PTPRD: variants seen among roughly 807,000 people sequenced by gnomAD.
PTPRD encodes the protein protein tyrosine phosphatase receptor type D.
PTPRD carries 34 observed loss-of-function variants against 214.5 expected under a neutral mutation model. The observed-to-expected ratio is 0.16, with a 90% CI of 0.12 to 0.21. The LOEUF (loss-of-function observed/expected upper bound fraction) is 0.21. Ranked by LOEUF, PTPRD falls within the 10% of genes least tolerant of loss-of-function variation. PTPRD has a pLI of 1.00. For missense variants in PTPRD, 2,545 were observed against 2,398.7 expected (o/e 1.06, Z -1.27); for synonymous variants, 1,128 against 845.7 (o/e 1.33, Z -5.79).
rs539929402 is a variant in PTPRD at position 10,231,430 on chromosome 9, T to C, written c.-545+109533A>G. On this transcript the variant is annotated intron_variant, in intron 3 of 45. Coordinates refer to ENST00000381196, the MANE Select transcript of PTPRD (RefSeq NM_002839.4). ...ACCTAAAAACCAGTCAAGCTAAGTA[T>C]AAAAGGACAAACTATCATCACTCTG... 5.9e-5 allele frequency among the ~76,000 whole-genome samples: 9 copies of C among 151,952 alleles called. No individual in the cohort carries two copies. In the East Asian group the frequency reaches 1.8e-3, roughly 30 times the overall value.
At chr9:8,864,155 A>G (rs1049586030) in intron 11 of PTPRD, among the ~76,000 whole-genome samples, 2 of 152,244 alleles carry the variant, frequency 1.3e-5, no homozygotes, top group Admixed American at 1.3e-4. Flanking sequence ...CTGTTTCTCT[A>G]TCTGTAGGAT....
intron 14 of PTPRD, among the ~76,000 whole-genome samples, chr9:8,569,550 G>C (rs2090484878): frequency 6.6e-6 from 1 of 151,962 alleles, no homozygotes; most frequent in Non-Finnish European, 1.5e-5. Flanking sequence ...TCAACAATTG[G>C]TGTGTCTACA....
At chr9:9,944,302 G>C (rs1022244398) in intron 4 of PTPRD, among the ~76,000 whole-genome samples, 1 of 152,068 alleles carries the variant, frequency 6.6e-6, no homozygotes, top group Non-Finnish European at 1.5e-5. Flanking sequence ...GGAGTAGTAA[G>C]GTATCCAGTG....
intron 5 of PTPRD, among the ~76,000 whole-genome samples, chr9:9,882,913 G>A (rs1043243673): frequency 1.3e-5 from 2 of 152,066 alleles, no homozygotes; most frequent in African/African-American, 4.8e-5. Context: ...CATGAGTTTT[G>A]GTTGTTGAAA....
At position 10,469,543 on chromosome 9, in the gene PTPRD, A is replaced by G. The variant is rs147374605; in HGVS notation, c.-599-128526T>C. Among the ~76,000 whole-genome samples, 282 of 152,262 alleles carry G rather than the reference A, an allele frequency of 1.9e-3. 2 individuals carry two copies. Among genetic ancestry groups the G allele is most frequent in the African/African-American group, 6.5e-3 (270 of 41,568 alleles). ...ACGTGAAAAGCTCACACTAAAGTTCAGAGAACACAGTCGGTGGCAATGTAA... is the reference window on the plus strand; with the variant it reads ...ACGTGAAAAGCTCACACTAAAGTTCGGAGAACACAGTCGGTGGCAATGTAA... On this transcript the variant is annotated intron_variant, in intron 2 of 45. Transcript: ENST00000381196.
At chr9:9,864,803 C>G (rs533131334) in intron 5 of PTPRD, among the ~76,000 whole-genome samples, 1 of 152,266 alleles carries the variant, frequency 6.6e-6, no homozygotes, top group East Asian at 1.9e-4. Context: ...CATGAACCAC[C>G]AGCCCCAACC....
intron 12 of PTPRD, among the ~76,000 whole-genome samples, chr9:8,716,709 T>C (rs900337237): frequency 5.3e-5 from 8 of 150,296 alleles, no homozygotes; most frequent in Non-Finnish European, 1.2e-4. Flanking sequence ...CACTCCCAAA[T>C]AGGAAGAAGA....
At chr9:9,926,022 G>A (rs887847415) in intron 5 of PTPRD, among the ~76,000 whole-genome samples, 2 of 151,906 alleles carry the variant, frequency 1.3e-5, no homozygotes, top group African/African-American at 4.8e-5. Flanking sequence ...GTAGAAATGG[G>A]GTCTTTCTAT....
chr9:10,118,867 AAAAT>A (rs144204787), intron 3 of PTPRD, among the ~76,000 whole-genome samples: 79,157 of 143,484 alleles, frequency 0.55, 22,026 homozygotes, highest in Middle Eastern at 0.69. Flanking sequence ...AAATACACCA[AAAAT>A]AAATAAATAA....
intron 3 of PTPRD, among the ~76,000 whole-genome samples, chr9:10,097,305 T>C (rs961159363): frequency 7.9e-6 from 1 of 126,152 alleles, no homozygotes; most frequent in Non-Finnish European, 1.6e-5. Flanking sequence ...GAGGATGGCA[T>C]TGAATCTATA....
intron 11 of PTPRD, among the ~76,000 whole-genome samples, chr9:8,849,171 ATTTTT>A (rs746565485): frequency 1.5e-3 from 165 of 108,748 alleles, no homozygotes; most frequent in African/African-American, 4.8e-3. Context: ...TCAAAAAAAA[ATTTTT>A]TTTTTTTTTT....
intron 14 of PTPRD, among the ~76,000 whole-genome samples, chr9:8,587,146 T>A (rs1554845231): frequency 1.3e-5 from 2 of 152,128 alleles, no homozygotes; most frequent in Non-Finnish European, 2.9e-5. Flanking sequence ...CGAGACTCCA[T>A]CTAAAAAAAC....
chr9:9,910,364 T>C (rs539628805), intron 5 of PTPRD, among the ~76,000 whole-genome samples: 27 of 152,028 alleles, frequency 1.8e-4, no homozygotes, highest in Non-Finnish European at 2.8e-4. Flanking sequence ...TAAAAATATC[T>C]GTATAGCAAT....
chr9:8,913,609 G>A (rs1055397429), intron 11 of PTPRD, among the ~76,000 whole-genome samples: 2 of 151,968 alleles, frequency 1.3e-5, no homozygotes, highest in African/African-American at 2.4e-5. Context: ...TTGGTATTCT[G>A]ACCTAAATTT....
In PTPRD at chr9:8,748,535, AAAAAAG is replaced by A. The variant is rs1300692516; in HGVS notation, c.-103-14595_-103-14590del. On this transcript the variant is annotated intron_variant, in intron 11 of 45. Coordinates refer to ENST00000381196, the MANE Select transcript of PTPRD (RefSeq NM_002839.4). ...ATCCTGCAACTGCAAAAAAAAAAAA[AAAAAAG>A]AAAAAGAAAAAGAAAAAGAAAATGC... 9.6e-3 allele frequency among the ~76,000 whole-genome samples: 1,161 copies of A among 120,950 alleles called. 4 individuals are homozygous for A. The highest frequency in any genetic ancestry group is 0.012 in the Middle Eastern group (3 of 246). 79.3% of individuals were successfully genotyped at this position (120,950 alleles called of 152,430 possible). A position where few individuals can be genotyped will look rare whatever the true frequency, so the allele number is the denominator to read the frequency against.
At chr9:9,035,927 A>G (rs986726912) in intron 10 of PTPRD, among the ~76,000 whole-genome samples, 1 of 152,112 alleles carries the variant, frequency 6.6e-6, no homozygotes, top group Non-Finnish European at 1.5e-5. Flanking sequence ...TTGAAGACTA[A>G]TGCTAGTAGC....
rs117443439 is a variant in PTPRD, at chr9:10,605,517, C to A, written c.-600+6881G>T. ...TGGAGTGAGAAGATGATGAAGGGTG[C>A]CAAGAAATTCCAGTGGAAAACAGCA... On this transcript the variant is annotated intron_variant, in intron 2 of 45. Transcript: ENST00000381196. Among the ~76,000 whole-genome samples the A allele has an allele frequency of 2.4e-4, 37 of 151,718 alleles. No individual in the cohort carries two copies. The East Asian group carries it at 7.0e-3, about 29-fold the overall frequency.
intron 8 of PTPRD, among the ~76,000 whole-genome samples, chr9:9,497,040 G>A (rs7029052): frequency 1.3e-5 from 2 of 151,952 alleles, no homozygotes; most frequent in Non-Finnish European, 2.9e-5. Context: ...GGTAGTTAAA[G>A]AGTCAACATC....
chr9:8,389,249 G>A lies in PTPRD; in HGVS notation c.4369C>T (p.Leu1457=). The change falls in exon 37 of 46, where the codon CTA becomes TTA. Residue 1457 remains leucine (L), a synonymous_variant. Coordinates refer to ENST00000381196, the MANE Select transcript of PTPRD (RefSeq NM_002839.4). The part of the protein sequence containing the change: ...RSATVVMMTK[L]EERSRVKCDQ... Reference sequence around the variant, plus strand: ...ATTCTTACCCTTGATCTTTCTTCTAGTTTTGTCATCATGACAACTGTGGCA... The same window carrying A: ...ATTCTTACCCTTGATCTTTCTTCTAATTTTGTCATCATGACAACTGTGGCA... 1 of 1,609,642 alleles carries A rather than the reference G, an allele frequency of 6.2e-7. No homozygotes were observed. The highest frequency in any genetic ancestry group is 2.2e-5 in the East Asian group (1 of 44,694).
Sources: gnomAD v4.1 joint callset for allele counts (sites outside exome capture counted in the v4.1 genomes callset) on GRCh38, gnomAD v4.1.1 for gene constraint, MANE v1.5 for transcripts, NCBI Gene and HGNC (gene_info 2026-07-23, HGNC 2026-07-21) for gene names.